SH3KBP1: variants seen among roughly 807,000 people sequenced by gnomAD.
SH3KBP1 encodes the protein SH3 domain containing kinase binding protein 1, also known as SH3 domain-containing kinase-binding protein 1.
Under a neutral mutation model 50.1 loss-of-function variants are expected in SH3KBP1, and 8 were observed. The ratio of observed to expected loss-of-function variants is 0.16; its 90% CI spans 0.09 to 0.29. The LOEUF is 0.29. Ranked by LOEUF, SH3KBP1 falls within the 10% of genes least tolerant of loss-of-function variation. The probability of loss-of-function intolerance (pLI) is 1.00; values close to 1 mark genes in which losing one functional copy is unlikely to be tolerated. For missense variants in SH3KBP1, 377 were observed against 535.2 expected, an observed-to-expected ratio of 0.70 and a Z score of 2.92; for synonymous variants, 227 against 218.6, an observed-to-expected ratio of 1.04 and a Z score of -0.34.
intron 1 of SH3KBP1, among the ~76,000 whole-genome samples, chrX:19,839,018 G>A (rs964035675): frequency 1.4e-4 from 15 of 111,096 alleles, no homozygotes; most frequent in Non-Finnish European, 2.8e-4. Context: ...ATCTTACGGG[G>A]AGATGGCCCC....
At chrX:19,793,573 G>A (rs997568954) in intron 2 of SH3KBP1, among the ~76,000 whole-genome samples, 3 of 110,613 alleles carry the variant, frequency 2.7e-5, no homozygotes, top group Non-Finnish European at 3.8e-5. Context: ...AAGAGGTTTT[G>A]TAAACTATAA....
intron 3 of SH3KBP1, among the ~76,000 whole-genome samples, chrX:19,735,759 A>T (rs1409707208): frequency 2.2e-5 from 2 of 90,365 alleles, no homozygotes; most frequent in Non-Finnish European, 2.1e-5. Flanking sequence ...ATTCTTGCTC[A>T]GTTGCCCAGG....
At chrX:19,853,508 G>A (rs1413142673) in intron 1 of SH3KBP1, among the ~76,000 whole-genome samples, 2 of 111,364 alleles carry the variant, frequency 1.8e-5, no homozygotes, top group African/African-American at 6.5e-5. Context: ...CACACCCTGC[G>A]AGGATATGTG....
intron 2 of SH3KBP1, among the ~76,000 whole-genome samples, chrX:19,773,552 C>T (rs2065857726): frequency 9.1e-6 from 1 of 109,345 alleles, no homozygotes; most frequent in African/African-American, 3.3e-5. Context: ...CACACACACC[C>T]CCCTATAAGA....
chrX:19,644,285 C>T (rs2061939222), intron 7 of SH3KBP1, among the ~76,000 whole-genome samples: 1 of 111,469 alleles, frequency 9.0e-6, no homozygotes, highest in Non-Finnish European at 1.9e-5. Flanking sequence ...ATGAATGAGA[C>T]CTAGTATTTG....
chrX:19,626,617 G>A (rs2068029822), intron 8 of SH3KBP1, among the ~76,000 whole-genome samples: 1 of 109,953 alleles, frequency 9.1e-6, no homozygotes, highest in Admixed American at 9.6e-5. Context: ...CCCTAGGCCT[G>A]AGTGCAGTGG....
intron 6 of SH3KBP1, among the ~76,000 whole-genome samples, chrX:19,660,436 G>C (rs987234980): frequency 8.9e-6 from 1 of 112,055 alleles, no homozygotes; most frequent in Non-Finnish European, 1.9e-5. Flanking sequence ...TTTTACAAGA[G>C]AATTACACAG....
At chrX:19,737,620 G>C (rs1166406747) in intron 3 of SH3KBP1, among the ~76,000 whole-genome samples, 1 of 111,419 alleles carries the variant, frequency 9.0e-6, no homozygotes, top group East Asian at 2.8e-4. Flanking sequence ...TGACTATGTA[G>C]AGACTGTCAT....
At chrX:19,556,921 C>T (rs2065508040) in intron 13 of SH3KBP1, among the ~76,000 whole-genome samples, 1 of 111,704 alleles carries the variant, frequency 9.0e-6, no homozygotes, top group Middle Eastern at 4.2e-3. Flanking sequence ...ATCCTCCTGC[C>T]TCAGCTTCCC....
At chrX:19,738,620 A>AGCCCAACT (rs2064667128) in intron 3 of SH3KBP1, among the ~76,000 whole-genome samples, 2 of 104,791 alleles carry the variant, frequency 1.9e-5, no homozygotes, top group Non-Finnish European at 3.9e-5. Context: ...CTGCAACATG[A>AGCCCAACT]GCAAACTTCA....
chrX:19,765,713 C>T (rs928951663), intron 2 of SH3KBP1, among the ~76,000 whole-genome samples: 6 of 111,556 alleles, frequency 5.4e-5, no homozygotes, highest in African/African-American at 2.0e-4. Context: ...TTAAACAACT[C>T]CTTTCTCCCC....
intron 3 of SH3KBP1, among the ~76,000 whole-genome samples, chrX:19,733,073 G>A (rs1422558435): frequency 8.9e-6 from 1 of 111,865 alleles, no homozygotes; most frequent in Non-Finnish European, 1.9e-5. Flanking sequence ...CTACTGTGAT[G>A]TTTGGGGAGG....
intron 16 of SH3KBP1, among the ~76,000 whole-genome samples, chrX:19,538,622 T>A (rs377098954): frequency 2.2e-3 from 241 of 110,557 alleles, no homozygotes; most frequent in African/African-American, 7.1e-3. Flanking sequence ...AGTCCCACTC[T>A]GTTGCCCAGG....
At chrX:19,611,930 G>A (rs1164222995) in intron 8 of SH3KBP1, among the ~76,000 whole-genome samples, 1 of 90,257 alleles carries the variant, frequency 1.1e-5, no homozygotes, top group Non-Finnish European at 2.1e-5. Flanking sequence ...AACTGCCAGT[G>A]TGATTTAGTG....
intron 3 of SH3KBP1, among the ~76,000 whole-genome samples, chrX:19,743,726 G>T (rs1384332550): frequency 8.9e-6 from 1 of 112,280 alleles, no homozygotes; most frequent in African/African-American, 3.2e-5. Flanking sequence ...GTCACAAGAC[G>T]CAAAAACAGC....
chrX:19,635,564 C>T (rs1225106545), intron 7 of SH3KBP1, among the ~76,000 whole-genome samples: 1 of 108,616 alleles, frequency 9.2e-6, no homozygotes, highest in Non-Finnish European at 1.9e-5. Flanking sequence ...AAAAAAAATA[C>T]TACGTTGCAT....
At chrX:19,626,542 C>T (rs918869497) in intron 8 of SH3KBP1, among the ~76,000 whole-genome samples, 2 of 110,959 alleles carry the variant, frequency 1.8e-5, no homozygotes, top group Non-Finnish European at 3.8e-5. Flanking sequence ...TGCCACTAAC[C>T]GTCTTTAGCT....
At chrX:19,853,548 T>C (rs943537498) in intron 1 of SH3KBP1, among the ~76,000 whole-genome samples, 3 of 110,680 alleles carry the variant, frequency 2.7e-5, no homozygotes, top group Non-Finnish European at 3.8e-5. Context: ...AGAAAAAAAA[T>C]GGTAGACAGC....
At chrX:19,704,089 C>T (rs374537890) in intron 4 of SH3KBP1, among the ~76,000 whole-genome samples, 5 of 111,597 alleles carry the variant, frequency 4.5e-5, no homozygotes, top group East Asian at 5.6e-4. Context: ...AGTTTTTGAT[C>T]GTATTTTAAA....
Sources: gnomAD v4.1 joint callset for allele counts (sites outside exome capture counted in the v4.1 genomes callset) on GRCh38, gnomAD v4.1.1 for gene constraint, MANE v1.5 for transcripts, NCBI Gene and HGNC (gene_info 2026-07-23, HGNC 2026-07-21) for gene names.